ADAMTS6: variants seen among roughly 807,000 people sequenced by gnomAD.
The protein encoded by ADAMTS6 is A disintegrin and metalloproteinase with thrombospondin motifs 6.
ADAMTS6 carries 23 observed loss-of-function variants against 144.3 expected under a neutral mutation model. The observed-to-expected ratio is 0.16, with a 90% confidence interval of 0.11 to 0.23. ADAMTS6 has a LOEUF of 0.23. Ranked by LOEUF, ADAMTS6 falls within the 10% of genes least tolerant of loss-of-function variation. ADAMTS6 has a pLI of 1.00. For synonymous variants in ADAMTS6, 444 were observed against 457.5 expected, an observed-to-expected ratio of 0.97 and a Z score of 0.38; for missense variants, 999 against 1,379.6, an observed-to-expected ratio of 0.72 and a Z score of 4.37.
chr5:65,277,606 A>AT (rs1264615019), intron 11 of ADAMTS6, among the ~76,000 whole-genome samples: 1 of 151,322 alleles, frequency 6.6e-6, no homozygotes. Flanking sequence ...ATTTTAATGG[A>AT]CTGTCCTTAT....
At chr5:65,281,489 T>C (rs1269621507) in intron 11 of ADAMTS6, among the ~76,000 whole-genome samples, 2 of 152,142 alleles carry the variant, frequency 1.3e-5, no homozygotes, top group Non-Finnish European at 2.9e-5. Context: ...TTATTATTAC[T>C]GAACTTCCAA....
At chr5:65,189,913 T>C (rs1754905036) in intron 21 of ADAMTS6, among the ~76,000 whole-genome samples, 1 of 152,256 alleles carries the variant, frequency 6.6e-6, no homozygotes, top group African/African-American at 2.4e-5. Flanking sequence ...TCAATGAACA[T>C]GCTCATGCTT....
chr5:65,410,130 G>A (rs1375993681), intron 7 of ADAMTS6, among the ~76,000 whole-genome samples: 1 of 152,100 alleles, frequency 6.6e-6, no homozygotes. Flanking sequence ...GAAAATGTGG[G>A]AAAACACATC....
intron 7 of ADAMTS6, among the ~76,000 whole-genome samples, chr5:65,409,259 T>A (rs1754845928): frequency 6.6e-6 from 1 of 151,874 alleles, no homozygotes; most frequent in Non-Finnish European, 1.5e-5. Flanking sequence ...CTAGCAAGAC[T>A]AATAAAGCAG....
chr5:65,242,274 TAAAA>T, intron 14 of ADAMTS6, 68 bp from the exon 15 acceptor site: 1 of 1,148,450 alleles, frequency 8.7e-7, no homozygotes. Flanking sequence ...ACAATGTCCC[TAAAA>T]TGAACTCCAT....
chr5:65,355,872 A>G (rs1270325302), intron 7 of ADAMTS6, among the ~76,000 whole-genome samples: 1 of 151,860 alleles, frequency 6.6e-6, no homozygotes, highest in Non-Finnish European at 1.5e-5. Flanking sequence ...TTCAGAAAAT[A>G]TGTTCTGGAA....
At chr5:65,343,137 G>A (rs1051363813) in intron 7 of ADAMTS6, among the ~76,000 whole-genome samples, 3 of 151,864 alleles carry the variant, frequency 2.0e-5, no homozygotes, top group Non-Finnish European at 4.4e-5. Flanking sequence ...ATCAATGTAC[G>A]GATTTAATGT....
At chr5:65,211,975 G>A (rs1031062650) in intron 20 of ADAMTS6, among the ~76,000 whole-genome samples, 1 of 152,102 alleles carries the variant, frequency 6.6e-6, no homozygotes, top group African/African-American at 2.4e-5. Flanking sequence ...ATGAAGACAC[G>A]GATTCCACGT....
intron 7 of ADAMTS6, among the ~76,000 whole-genome samples, chr5:65,336,713 C>T (rs912688592): frequency 6.6e-6 from 1 of 151,994 alleles, no homozygotes; most frequent in African/African-American, 2.4e-5. Flanking sequence ...ATATTTGTGC[C>T]TTCCTGCTTA....
In ADAMTS6 at chr5:65,153,295, C is replaced by T. The variant is rs114746845; in HGVS notation, c.3245-1350G>A. On this transcript the variant is annotated intron_variant, in intron 24 of 24. Coordinates refer to ENST00000381055, the MANE Select transcript of ADAMTS6 (RefSeq NM_197941.4). The stretch of plus-strand genomic sequence containing the variant: ...GCTCCCTTACTCAACATTTCACTTA[C>T]AAAGAGATTAATAGCTAGAAATATG... Among the ~76,000 whole-genome samples the T allele has an allele frequency of 4.1e-3, 625 of 152,306 alleles. 4 individuals are homozygous for T. Among genetic ancestry groups the T allele is most frequent in the African/African-American group, 0.014 (587 of 41,574 alleles).
chr5:65,400,696 G>A (rs896451815), intron 7 of ADAMTS6, among the ~76,000 whole-genome samples: 1 of 151,750 alleles, frequency 6.6e-6, no homozygotes, highest in Non-Finnish European at 1.5e-5. Context: ...TTACATCTTT[G>A]TAGTTTTCCC....
At chr5:65,287,885 C>T (rs2112737963) in intron 11 of ADAMTS6, among the ~76,000 whole-genome samples, 1 of 152,254 alleles carries the variant, frequency 6.6e-6, no homozygotes, top group South Asian at 2.1e-4. Flanking sequence ...AAAGTCACTA[C>T]ATAAATACCA....
intron 11 of ADAMTS6, among the ~76,000 whole-genome samples, chr5:65,287,632 G>A (rs1741806651): frequency 1.3e-5 from 2 of 152,160 alleles, no homozygotes; most frequent in Admixed American, 1.3e-4. Flanking sequence ...CTGGGTTCAA[G>A]CCATTTTCCA....
chr5:65,439,158 G>A (rs1757679845), intron 7 of ADAMTS6, among the ~76,000 whole-genome samples: 1 of 151,752 alleles, frequency 6.6e-6, no homozygotes, highest in Non-Finnish European at 1.5e-5. Context: ...AGAAGTGTGA[G>A]TCCATATTTA....
At chr5:65,435,788 A>G (rs888550677) in intron 7 of ADAMTS6, among the ~76,000 whole-genome samples, 1 of 151,494 alleles carries the variant, frequency 6.6e-6, no homozygotes, top group Non-Finnish European at 1.5e-5. Context: ...ATCACCGTAC[A>G]CTAATTTTTG....
chr5:65,353,864 CA>C (rs1357669245), intron 7 of ADAMTS6, among the ~76,000 whole-genome samples: 1 of 151,626 alleles, frequency 6.6e-6, no homozygotes, highest in Non-Finnish European at 1.5e-5. Context: ...AAAATATATG[CA>C]AAAAAACCCA....
chr5:65,436,574 G>A (rs1248767937), intron 7 of ADAMTS6, among the ~76,000 whole-genome samples: 2 of 152,138 alleles, frequency 1.3e-5, no homozygotes, highest in African/African-American at 4.8e-5. Flanking sequence ...AGTGGCTCAT[G>A]CCTGTAATCC....
At chr5:65,427,218 T>G in intron 7 of ADAMTS6, among the ~76,000 whole-genome samples, 1 of 152,174 alleles carries the variant, frequency 6.6e-6, no homozygotes, top group Middle Eastern at 3.4e-3. Flanking sequence ...ATTGAATAAA[T>G]TTTCTATTTT....
At chr5:65,374,157 G>A (rs1015378254) in intron 7 of ADAMTS6, among the ~76,000 whole-genome samples, 1 of 152,100 alleles carries the variant, frequency 6.6e-6, no homozygotes, top group Admixed American at 6.5e-5. Context: ...ATATCATACT[G>A]AATGGGCAAA....
Sources: allele counts gnomAD v4.1 joint callset (sites outside exome capture counted in the v4.1 genomes callset), GRCh38; gene constraint gnomAD v4.1.1; transcripts MANE v1.5; gene names NCBI Gene and HGNC (gene_info 2026-07-23, HGNC 2026-07-21).